The following ASXL1 variants were observed in gnomAD, a reference collection of about 807,000 sequenced individuals.
ASXL1 encodes polycomb group protein ASXL1.
ASXL1 carries 65 observed loss-of-function variants against 89.1 expected under a neutral mutation model. That is an observed-to-expected ratio of 0.73 (90% CI 0.60 to 0.90). ASXL1 has a LOEUF of 0.90. Among genes scored for constraint, ASXL1 ranks in the 40% least tolerant of loss-of-function variants. The pLI is 0.00. For synonymous variants in ASXL1, 739 were observed against 746.9 expected, an observed-to-expected ratio of 0.99 and a Z score of 0.17; for missense variants, 1,786 against 1,942.9, an observed-to-expected ratio of 0.92 and a Z score of 1.52.
intron 4 of ASXL1, among the ~76,000 whole-genome samples, chr20:32,392,281 ATT>A (rs35202000): frequency 7.6e-6 from 1 of 131,050 alleles, no homozygotes; most frequent in Non-Finnish European, 1.6e-5. Context: ...AGCCTAGCTG[ATT>A]TTTTTTTTTT....
Position 32,436,467 on chromosome 20 carries a change from A to G in ASXL1, c.3755A>G (p.Asp1252Gly), listed in dbSNP as rs202102305. The change falls in exon 13 of 13, where the codon GAC becomes GGC. Residue 1252 changes from aspartate to glycine, a missense_variant. Coordinates refer to ENST00000375687, the MANE Select transcript of ASXL1 (RefSeq NM_015338.6). ...DQKEVRAMSQ[D>G]SNSNAAPGKS... is the part of the protein sequence containing the mutation. ...AAGGAAGTCCGTGCTATGTCACAGG[A>G]CAGTAATTCAAATGCTGCTCCAGGA... The G allele has an allele frequency of 1.3e-5, 21 of 1,614,038 alleles. No homozygotes were observed. Among genetic ancestry groups the G allele is most frequent in the Non-Finnish European group, 1.7e-5 (20 of 1,180,040 alleles).
chr20:32,405,709 T>C (rs547424987), intron 4 of ASXL1, among the ~76,000 whole-genome samples: 1 of 152,334 alleles, frequency 6.6e-6, no homozygotes, highest in South Asian at 2.1e-4. Context: ...GGAATCTTTT[T>C]TAGTTTGAAT....
At chr20:32,431,713 A>T (rs2011520432) in intron 10 of ASXL1, 34 bp downstream of exon 10, 3 of 1,603,074 alleles carry the variant, frequency 1.9e-6, no homozygotes, top group Middle Eastern at 2.2e-4. Context: ...ACGGCTTGCG[A>T]CGCACCTGTC....
chr20:32,364,038 A>G (rs2048165978), intron 1 of ASXL1, among the ~76,000 whole-genome samples: 1 of 152,126 alleles, frequency 6.6e-6, no homozygotes, highest in African/African-American at 2.4e-5. Context: ...AGACATCAGT[A>G]TCCTTCAAAA....
At position 32,359,427 on chromosome 20, in the gene ASXL1, G is replaced by A. The variant is rs1360973038; in HGVS notation, c.57+595G>A. On this transcript the variant is annotated intron_variant, in intron 1 of 12. Transcript: ENST00000375687. ...TCCTGTGGGCGACACCTGGGAGGCG[G>A]TTAGGAACGCTACTCCTAGGGCCCT... 5.7e-6 allele frequency: 4 copies of A among 701,898 alleles called. No homozygotes were observed. The East Asian group carries it at 1.1e-4, about 19-fold the overall frequency. The allele number at this position is 701,898 out of a possible 1,614,324, so 43.5% of individuals were successfully genotyped here. A position where few individuals can be genotyped will look rare whatever the true frequency, so the allele number is the denominator to read the frequency against.
intron 6 of ASXL1, chr20:32,428,731 G>A (rs1324090207): frequency 5.2e-5 from 16 of 305,604 alleles, no homozygotes; most frequent in Non-Finnish European, 8.3e-5. Context: ...CATGATCTCC[G>A]CTTACTGCAA....
Position 32,436,817 on chromosome 20 carries a change from A to G in ASXL1, c.4105A>G (p.Asn1369Asp). 6.2e-7 allele frequency: 1 copy of G among 1,614,194 alleles called. No individual in the cohort carries two copies. ...KPHAFVGSVKNEKTFVGGPLK... is the reference protein window; with the variant it reads ...KPHAFVGSVKDEKTFVGGPLK... Reference sequence around the variant, plus strand: ...ACATGCCTTTGTTGGCAGCGTCAAGAATGAGAAGACTTTTGTGGGGGGTCC... The same window carrying G: ...ACATGCCTTTGTTGGCAGCGTCAAGGATGAGAAGACTTTTGTGGGGGGTCC... Residue 1369 changes from asparagine to aspartate, a missense_variant, in exon 13 of 13, where the codon AAT (asparagine) becomes GAT (aspartate). Around this residue, in one of 3 missense-constraint regions of ASXL1, gnomAD observed 1,418 missense variants for 1,427.8 expected, o/e 0.99. Transcript: ENST00000375687.
chr20:32,376,004 A>C lies in ASXL1; in HGVS notation c.252+6881A>C, dbSNP rs578154839. ...TGGCAGTTAAGTACATTTTTTAAGG[A>C]CTAATAAAAATGTAGAAATCTTCGT... On this transcript the variant is annotated intron_variant, in intron 4 of 12. Coordinates refer to ENST00000375687, the MANE Select transcript of ASXL1 (RefSeq NM_015338.6). Among the ~76,000 whole-genome samples the C allele has an allele frequency of 2.6e-5, 4 of 152,050 alleles. No individual in the cohort carries two copies. The South Asian group carries it at 8.4e-4, about 32-fold the overall frequency.
chr20:32,381,155 A>G (rs536151109), intron 4 of ASXL1, among the ~76,000 whole-genome samples: 3 of 152,360 alleles, frequency 2.0e-5, no homozygotes, highest in South Asian at 4.1e-4. Flanking sequence ...TATTGGCTGC[A>G]TGCAACCAAA....
chr20:32,425,514 A>C (rs2011250316), intron 4 of ASXL1, among the ~76,000 whole-genome samples: 1 of 152,238 alleles, frequency 6.6e-6, no homozygotes, highest in African/African-American at 2.4e-5. Flanking sequence ...CTTTAATTGT[A>C]GCCATTCTGA....
At chr20:32,416,014 C>G (rs532420543) in intron 4 of ASXL1, among the ~76,000 whole-genome samples, 3 of 152,092 alleles carry the variant, frequency 2.0e-5, no homozygotes, top group Non-Finnish European at 4.4e-5. Context: ...GATTCTATAT[C>G]GTAAAGATGT....
chr20:32,367,799 A>T lies in ASXL1; in HGVS notation c.143+70A>T, dbSNP rs895205625. On this transcript the variant is annotated intron_variant, in intron 3 of 12. Coordinates refer to ENST00000375687, the MANE Select transcript of ASXL1 (RefSeq NM_015338.6). Reference sequence around the variant, plus strand: ...TGTTTCTGCTTCTTGTTCTTAGAGGAATTATGAAGCAGTCATGATGGCTCA... The same window carrying T: ...TGTTTCTGCTTCTTGTTCTTAGAGGTATTATGAAGCAGTCATGATGGCTCA... The T allele has an allele frequency of 1.0e-5, 8 of 779,120 alleles. No individual in the cohort carries two copies. In the African/African-American group the frequency reaches 1.4e-4, roughly 13 times the overall value. The allele number at this position is 779,120 out of a possible 1,614,324, so 48.3% of individuals were successfully genotyped here.
intron 4 of ASXL1, among the ~76,000 whole-genome samples, chr20:32,398,398 C>G (rs1343436197): frequency 6.6e-6 from 1 of 151,954 alleles, no homozygotes; most frequent in East Asian, 1.9e-4. Context: ...GGGTAACCAT[C>G]TTTATCTGGT....
intron 4 of ASXL1, among the ~76,000 whole-genome samples, chr20:32,418,339 C>T (rs1193781480): frequency 1.3e-5 from 2 of 152,074 alleles, no homozygotes; most frequent in Non-Finnish European, 2.9e-5. Flanking sequence ...CACCGTGGCA[C>T]TTTAGCCTGG....
At chr20:32,378,196 T>TGTGTGTC in intron 4 of ASXL1, among the ~76,000 whole-genome samples, 1 of 81,486 alleles carries the variant, frequency 1.2e-5, no homozygotes, top group Non-Finnish European at 2.7e-5. Flanking sequence ...GTGTGTGTGT[T>TGTGTGTC]TTAATAGAGA....
chr20:32,413,361 C>CG (rs1251862667), intron 4 of ASXL1, among the ~76,000 whole-genome samples: 1 of 152,048 alleles, frequency 6.6e-6, no homozygotes, highest in African/African-American at 2.4e-5. Flanking sequence ...GTCACTTACT[C>CG]TGAGTATAAC....
Position 32,438,643 on chromosome 20 carries a change from C to G in ASXL1, c.*1305C>G, listed in dbSNP as rs1431355010. 4 of 233,548 alleles carry G rather than the reference C, an allele frequency of 1.7e-5. No individual in the cohort carries two copies. Among genetic ancestry groups the G allele is most frequent in the Non-Finnish European group, 2.5e-5 (3 of 118,028 alleles). 14.5% of individuals were successfully genotyped at this position (233,548 alleles called of 1,614,324 possible). A position where few individuals can be genotyped will look rare whatever the true frequency, so the allele number is the denominator to read the frequency against. On this transcript the variant is annotated 3_prime_UTR_variant, in exon 13 of 13. Coordinates refer to ENST00000375687, the MANE Select transcript of ASXL1 (RefSeq NM_015338.6). The stretch of plus-strand genomic sequence containing the variant: ...CTGCTTGCTGCCATATGTGACAAAT[C>G]ACCACCACCAGTGTTAAGTGCTTCT...
At chr20:32,385,808 G>A (rs538803142) in intron 4 of ASXL1, among the ~76,000 whole-genome samples, 7 of 152,220 alleles carry the variant, frequency 4.6e-5, no homozygotes, top group African/African-American at 1.7e-4. Context: ...GATTATAACA[G>A]ATCTATGTTT....
At position 32,434,973 on chromosome 20, in the gene ASXL1, C is replaced by A. The variant is rs1184551610; in HGVS notation, c.2261C>A (p.Thr754Asn). The A allele has an allele frequency of 6.2e-7, 1 of 1,614,214 alleles. No homozygotes were observed. The highest frequency in any genetic ancestry group is 8.5e-7 in the Non-Finnish European group (1 of 1,180,034). Residue 754 changes from threonine (T) to asparagine (N), a missense_variant, in exon 13 of 13, where the codon ACT (threonine) becomes AAT (asparagine). Physicochemically the swap from Thr to Asn is moderately conservative, Grantham distance 65 (BLOSUM62 0). Coordinates refer to ENST00000375687, the MANE Select transcript of ASXL1 (RefSeq NM_015338.6). ...GDASQLPVAP[T>N]GDQPCQALPL... Reference sequence around the variant, plus strand: ...GCCTCCCAACTCCCCGTTGCTCCCACTGGGGACCAGCCATGCCAGGCCTTG... The same window carrying A: ...GCCTCCCAACTCCCCGTTGCTCCCAATGGGGACCAGCCATGCCAGGCCTTG...
Sources: allele counts gnomAD v4.1 joint callset (sites outside exome capture counted in the v4.1 genomes callset), GRCh38; gene constraint gnomAD v4.1.1; regional missense constraint gnomAD v4.1.1; transcripts MANE v1.5; gene names NCBI Gene and HGNC (gene_info 2026-07-23, HGNC 2026-07-21).